IL17RC: variants seen among roughly 807,000 people sequenced by gnomAD.
IL17RC encodes interleukin 17 receptor C.
In IL17RC, 53 loss-of-function variants were observed where a neutral mutation model predicts 86.7. That is an observed-to-expected ratio of 0.61 (90% CI 0.49 to 0.77). The LOEUF (loss-of-function observed/expected upper bound fraction) is 0.77, where lower values mean the gene tolerates loss of function less well. Among genes scored for constraint, IL17RC ranks in the 30% least tolerant of loss-of-function variants. IL17RC has a pLI of 0.00. For synonymous variants in IL17RC, 439 were observed against 413.1 expected (o/e 1.06, Z -0.76); for missense variants, 957 against 940.0 (o/e 1.02, Z -0.24).
intron 12 of IL17RC, chr3:9,929,428 A>G: frequency 4.9e-6 from 1 of 202,574 alleles, no homozygotes; most frequent in Non-Finnish European, 1.0e-5. Context: ...ACCCTCATAG[A>G]ACTTATATTG....
In IL17RC at chr3:9,918,343, G is replaced by A. The variant is rs751057517; in HGVS notation, c.289G>A (p.Glu97Lys). The change falls in exon 4 of 19, where the codon GAA (glutamate) becomes AAA (lysine). Residue 97 changes from glutamate (E) to lysine (K), a missense_variant. Glu to Lys is a moderately conservative substitution (Grantham distance 56). Transcript: ENST00000403601. ...CTCTTGGGTCCTTCTAGGGCACTGG[G>A]AAGAGCCTGAAGATGAGGAAAAGTT... is the stretch of plus-strand genomic sequence containing the variant. ...AVHLAVHGHWEEPEDEEKFGG... is the reference protein window; with the variant it reads ...AVHLAVHGHWKEPEDEEKFGG... 14 of 1,591,402 alleles carry A rather than the reference G, an allele frequency of 8.8e-6. No homozygotes were observed. Among genetic ancestry groups the A allele is most frequent in the South Asian group, 1.1e-5 (1 of 87,952 alleles).
chr3:9,923,764 C>T, intron 7 of IL17RC, 117 bp from the exon 8 acceptor site: 2 of 1,137,700 alleles, frequency 1.8e-6, no homozygotes, highest in Admixed American at 2.0e-5. Context: ...ATGACACACG[C>T]TCTGCCCTCC....
In IL17RC at chr3:9,930,589, G is replaced by A. The variant is rs1436682231; in HGVS notation, c.1338+130G>A. 12 of 897,112 alleles carry A rather than the reference G, an allele frequency of 1.3e-5. No homozygotes were observed. The highest frequency in any genetic ancestry group is 1.9e-5 in the Non-Finnish European group (11 of 572,296). 55.6% of individuals were successfully genotyped at this position (897,112 alleles called of 1,614,324 possible). Reference sequence around the variant, plus strand: ...GAAAGTTAAGAGTAGAAGAAGCACAGTTCCTATCCCCAAGGAGCACACTGT... The same window carrying A: ...GAAAGTTAAGAGTAGAAGAAGCACAATTCCTATCCCCAAGGAGCACACTGT... On this transcript the variant is annotated intron_variant, in intron 15 of 18. Transcript: ENST00000403601. This position sits in a 1 kb window ranked among gnomAD's most constrained non-coding sequence, Gnocchi z 5.8.
Position 9,933,301 on chromosome 3 carries a change from G to C in IL17RC, c.1871G>C (p.Arg624Pro), listed in dbSNP as rs199595818. 1.0e-5 allele frequency: 16 copies of C among 1,604,466 alleles called. No homozygotes were observed. The highest frequency in any genetic ancestry group is 5.4e-5 in the African/African-American group (4 of 74,692). The part of the protein sequence containing the change: ...SCVLPDFLQG[R>P]APGSYVGACF... ...GTGCTGCCCGACTTCTTGCAGGGCC[G>C]GGCGCCCGGCAGCTACGTGGGGGCC... Residue 624 changes from arginine to proline, a missense_variant, in exon 19 of 19, where the codon CGG becomes CCG. Physicochemically the swap from Arg to Pro is moderately radical, Grantham distance 103. Coordinates refer to ENST00000403601, the MANE Select transcript of IL17RC (RefSeq NM_153460.4).
Position 9,928,152 on chromosome 3 carries a change from C to A in IL17RC, c.823-14C>A, listed in dbSNP as rs779025863. ...CATGGAGGGGACCTGAGCAGACCCC[C>A]ATTTCCTTTCCAGGTGTGGCCTCTG... On this transcript the variant is annotated splice_polypyrimidine_tract_variant and intron_variant, in intron 9 of 18. Coordinates refer to ENST00000403601, the MANE Select transcript of IL17RC (RefSeq NM_153460.4). 4 of 1,614,074 alleles carry A rather than the reference C, an allele frequency of 2.5e-6. No homozygotes were observed. In the South Asian group the frequency reaches 3.3e-5, roughly 13 times the overall value.
intron 9 of IL17RC, among the ~76,000 whole-genome samples, chr3:9,927,115 A>G (rs116674690): frequency 0.014 from 2,101 of 152,338 alleles, 52 homozygotes; most frequent in African/African-American, 0.048. Flanking sequence ...GGATAAATTA[A>G]TGTATTACCT....
chr3:9,918,055 C>T lies in IL17RC; in HGVS notation c.260C>T (p.Ala87Val), dbSNP rs2083251865. Residue 87 changes from alanine to valine, a missense_variant, in exon 3 of 19, where the codon GCT becomes GTT. Coordinates refer to ENST00000403601, the MANE Select transcript of IL17RC (RefSeq NM_153460.4). ...ETDCDLCLRV[A>V]VHLAVHGHWE... is the part of the protein sequence containing the mutation. ...GACTGTGACCTCTGTCTGCGTGTGGCTGTCCACTTGGCCGTGCATGGTGAG... is the reference window on the plus strand; with the variant it reads ...GACTGTGACCTCTGTCTGCGTGTGGTTGTCCACTTGGCCGTGCATGGTGAG... The T allele has an allele frequency of 2.5e-6, 4 of 1,588,916 alleles. No homozygotes were observed. The highest frequency in any genetic ancestry group is 2.3e-5 in the South Asian group (2 of 88,210).
chr3:9,917,402 C>G lies in IL17RC; in HGVS notation c.87C>G (p.Asp29Glu), dbSNP rs753551976. 6.2e-7 allele frequency: 1 copy of G among 1,614,112 alleles called. No individual in the cohort carries two copies. The highest frequency in any genetic ancestry group is 2.2e-5 in the East Asian group (1 of 44,872). ...TGGAGAGGCTTGTGGGGCCTCAGGACGCTACCCACTGCTCTCCGGTGAGTC... is the reference window on the plus strand; with the variant it reads ...TGGAGAGGCTTGTGGGGCCTCAGGAGGCTACCCACTGCTCTCCGGTGAGTC... ...LSLERLVGPQDATHCSPGLSC... is the reference protein window; with the variant it reads ...LSLERLVGPQEATHCSPGLSC... The change falls in exon 1 of 19, where the codon GAC becomes GAG. Residue 29 changes from aspartate to glutamate, a missense_variant. Transcript: ENST00000403601.
intron 16 of IL17RC, 25 bp from the exon 17 acceptor site, chr3:9,932,583 A>G: frequency 2.5e-6 from 4 of 1,604,256 alleles, no homozygotes; most frequent in Non-Finnish European, 3.4e-6. Context: ...GTAAGTTTCT[A>G]ACTCTTCTTC....
chr3:9,931,575 C>T (rs568251581), intron 16 of IL17RC, among the ~76,000 whole-genome samples: 9 of 151,064 alleles, frequency 6.0e-5, no homozygotes, highest in East Asian at 1.9e-4. Flanking sequence ...GGCGCGATCT[C>T]GGCTAACTGC....
chr3:9,932,524 C>G, intron 16 of IL17RC, 84 bp from the exon 17 acceptor site: 2 of 1,300,290 alleles, frequency 1.5e-6, no homozygotes, highest in Non-Finnish European at 2.2e-6. Flanking sequence ...GCCACCGCAC[C>G]CGGCCCAATT....
chr3:9,922,243 G>A (rs1375462310), intron 7 of IL17RC, among the ~76,000 whole-genome samples: 8 of 152,154 alleles, frequency 5.3e-5, no homozygotes, highest in Non-Finnish European at 1.2e-4. Flanking sequence ...GAGCCGCCAC[G>A]TCCGGCCAAT....
chr3:9,930,545 AT>A lies in IL17RC; in HGVS notation c.1338+90del. Reference sequence around the variant, plus strand: ...ACTCACCTACTGTCTATTTAGGCTTATTTTATGTTCAGCCCTGGGAAAGTTA... The same window carrying A: ...ACTCACCTACTGTCTATTTAGGCTTATTTATGTTCAGCCCTGGGAAAGTTA... On this transcript the variant is annotated intron_variant, in intron 15 of 18. Coordinates refer to ENST00000403601, the MANE Select transcript of IL17RC (RefSeq NM_153460.4). This position sits in a 1 kb window ranked among gnomAD's most constrained non-coding sequence, Gnocchi z 5.8. The A allele has an allele frequency of 7.5e-7, 1 of 1,331,438 alleles. No individual in the cohort carries two copies. Among genetic ancestry groups the A allele is most frequent in the Non-Finnish European group, 1.1e-6 (1 of 942,744 alleles). 82.5% of individuals were successfully genotyped at this position (1,331,438 alleles called of 1,614,324 possible).
intron 5 of IL17RC, among the ~76,000 whole-genome samples, chr3:9,919,931 G>A (rs2083408321): frequency 6.6e-6 from 1 of 152,028 alleles, no homozygotes; most frequent in Non-Finnish European, 1.5e-5. Flanking sequence ...CATGGTGTAA[G>A]TACCATGGTG....
intron 9 of IL17RC, among the ~76,000 whole-genome samples, chr3:9,927,514 C>T (rs1177047996): frequency 6.6e-6 from 1 of 152,166 alleles, no homozygotes; most frequent in Non-Finnish European, 1.5e-5. Context: ...GCTGAGATCA[C>T]ACCACTGCAC....
rs767780663 is a variant in IL17RC at position 9,917,342 on chromosome 3, C to G, written c.27C>G (p.Ser9=). The G allele has an allele frequency of 1.5e-5, 25 of 1,613,952 alleles. No individual in the cohort carries two copies. The highest frequency in any genetic ancestry group is 8.9e-5 in the East Asian group (4 of 44,874). The change falls in exon 1 of 19, where the codon TCC becomes TCG. Residue 9 remains serine, a synonymous_variant. Transcript: ENST00000403601. The stretch of plus-strand genomic sequence containing the variant: ...TGCCTGTGCCCTGGTTCTTGCTGTC[C>G]TTGGCACTGGGCCGAAGCCCAGTGG... MPVPWFLL[S]LALGRSPVVL... is the part of the protein sequence containing the mutation.
In IL17RC at chr3:9,917,411, C is replaced by G; in HGVS notation, c.96C>G (p.His32Gln). Residue 32 changes from histidine (H) to glutamine (Q), a missense_variant, in exon 1 of 19, where the codon CAC becomes CAG. By Grantham distance (24) the His-to-Gln change is conservative. Transcript: ENST00000403601. ...ERLVGPQDAT[H>Q]CSPGLSCRLW... The stretch of plus-strand genomic sequence containing the variant: ...TTGTGGGGCCTCAGGACGCTACCCA[C>G]TGCTCTCCGGTGAGTCTGGAACCCT... 1 of 1,614,232 alleles carries G rather than the reference C, an allele frequency of 6.2e-7. No homozygotes were observed. Among genetic ancestry groups the G allele is most frequent in the South Asian group, 1.1e-5 (1 of 91,088 alleles).
chr3:9,922,546 C>A (rs1170704725), intron 7 of IL17RC, among the ~76,000 whole-genome samples: 1 of 152,126 alleles, frequency 6.6e-6, no homozygotes, highest in Non-Finnish European at 1.5e-5. Flanking sequence ...GTGTACCAGG[C>A]AAATCCCTGG....
intron 9 of IL17RC, among the ~76,000 whole-genome samples, chr3:9,927,863 C>T (rs932190172): frequency 1.6e-4 from 24 of 151,796 alleles, no homozygotes; most frequent in African/African-American, 2.2e-4. Context: ...ATGGGAGAAT[C>T]GCTTGAACCT....
Sources: allele counts gnomAD v4.1 joint callset (sites outside exome capture counted in the v4.1 genomes callset), GRCh38; gene constraint gnomAD v4.1.1; non-coding constraint Gnocchi (gnomAD v3.1); transcripts MANE v1.5; gene names NCBI Gene and HGNC (gene_info 2026-07-23, HGNC 2026-07-21).